The following ASRGL1 variants were observed in gnomAD, a reference collection of about 807,000 sequenced individuals.
ASRGL1 encodes asparaginase and isoaspartyl peptidase 1.
ASRGL1 carries 16 observed loss-of-function variants against 22.4 expected under a neutral mutation model. That is an observed-to-expected ratio of 0.71 (90% CI 0.48 to 1.08). ASRGL1 has a LOEUF of 1.08. Ranked by LOEUF, ASRGL1 falls within the 50% of genes least tolerant of loss-of-function variation. The pLI is 0.00. For synonymous variants in ASRGL1, 165 were observed against 159.3 expected (o/e 1.04, Z -0.27); for missense variants, 412 against 410.1 (o/e 1.00, Z -0.04).
At chr11:62,387,980 A>G (rs1166170426) in intron 4 of ASRGL1, among the ~76,000 whole-genome samples, 1 of 152,156 alleles carries the variant, frequency 6.6e-6, no homozygotes, top group African/African-American at 2.4e-5. Flanking sequence ...TAGTTGGGCA[A>G]TTTCATGGCC....
At chr11:62,356,920 T>G in intron 3 of ASRGL1, 67 bp from the exon 4 acceptor site, 2 of 1,513,710 alleles carry the variant, frequency 1.3e-6, no homozygotes, top group Non-Finnish European at 1.8e-6. Flanking sequence ...TTCAACACAG[T>G]TGGAACAGTT....
At chr11:62,368,837 G>C (rs956596671) in intron 4 of ASRGL1, among the ~76,000 whole-genome samples, 1 of 152,180 alleles carries the variant, frequency 6.6e-6, no homozygotes, top group Non-Finnish European at 1.5e-5. Context: ...GTGCATTAAA[G>C]AGCAGTATTG....
At chr11:62,371,398 C>T (rs1478574015) in intron 4 of ASRGL1, 4 of 590,754 alleles carry the variant, frequency 6.8e-6, no homozygotes, top group Non-Finnish European at 1.2e-5. Flanking sequence ...GGTCGCCGAA[C>T]CCGAGCACAC....
At chr11:62,387,185 G>A (rs761716371) in intron 4 of ASRGL1, among the ~76,000 whole-genome samples, 3 of 151,816 alleles carry the variant, frequency 2.0e-5, no homozygotes, top group Non-Finnish European at 4.4e-5. Context: ...TTACAGGTGT[G>A]AGCCACAGCG....
intron 6 of ASRGL1, 183 bp downstream of exon 6, chr11:62,391,815 G>A (rs2134706937): frequency 1.3e-6 from 1 of 792,880 alleles, no homozygotes; most frequent in South Asian, 1.8e-5. Flanking sequence ...GTAGAGCATT[G>A]AGTACTGTTA....
intron 2 of ASRGL1, among the ~76,000 whole-genome samples, chr11:62,353,336 T>TATGATA (rs1363962410): frequency 6.8e-6 from 1 of 146,634 alleles, no homozygotes; most frequent in Non-Finnish European, 1.5e-5. Context: ...GAAGCATTTT[T>TATGATA]ATGATGCTTT....
intron 4 of ASRGL1, chr11:62,372,552 C>A: frequency 1.1e-6 from 1 of 920,406 alleles, no homozygotes; most frequent in Non-Finnish European, 1.8e-6. Context: ...GAGTGGCCAT[C>A]TTCATTGAGA....
At chr11:62,375,788 G>T (rs1336255977) in intron 4 of ASRGL1, among the ~76,000 whole-genome samples, 1 of 151,792 alleles carries the variant, frequency 6.6e-6, no homozygotes, top group Non-Finnish European at 1.5e-5. Context: ...TGCAGGCATG[G>T]GGAGACTTAC....
In ASRGL1 at chr11:62,359,377, C is replaced by T. The variant is rs539547308; in HGVS notation, c.491+2233C>T. 1.8e-4 allele frequency among the ~76,000 whole-genome samples: 27 copies of T among 151,902 alleles called. No individual in the cohort carries two copies. The South Asian group carries it at 4.4e-3, about 25-fold the overall frequency. ...AGGAGAATCGCTTGAACCCAGGAGG[C>T]AGAGGTTGCAGTGAGCCAAGATCGC... is the stretch of plus-strand genomic sequence containing the variant. On this transcript the variant is annotated intron_variant, in intron 4 of 6. Transcript: ENST00000415229.
intron 2 of ASRGL1, among the ~76,000 whole-genome samples, chr11:62,344,679 A>G (rs369890224): frequency 2.6e-5 from 4 of 152,212 alleles, no homozygotes; most frequent in South Asian, 4.1e-4. Flanking sequence ...TGCAATGCAT[A>G]ATAATCAGGG....
chr11:62,389,053 G>C, intron 4 of ASRGL1, 80 bp from the exon 5 acceptor site: 1 of 1,210,724 alleles, frequency 8.3e-7, no homozygotes, highest in South Asian at 1.4e-5. Context: ...GAAACTTTAA[G>C]TGGTTTTAAG....
chr11:62,396,753 G>A (rs892830020), downstream of ASRGL1, among the ~76,000 whole-genome samples: 1 of 133,654 alleles, frequency 7.5e-6, no homozygotes, highest in African/African-American at 2.8e-5. Context: ...CTGCTGATAG[G>A]GGAAACCAGC....
intron 4 of ASRGL1, among the ~76,000 whole-genome samples, chr11:62,388,536 G>A (rs192976700): frequency 6.6e-6 from 1 of 152,136 alleles, no homozygotes; most frequent in African/African-American, 2.4e-5. Flanking sequence ...CAGGTGTGGT[G>A]GTGCATGCCT....
intron 4 of ASRGL1, among the ~76,000 whole-genome samples, chr11:62,377,115 G>GT (rs1256964954): frequency 9.9e-5 from 15 of 152,262 alleles, no homozygotes; most frequent in African/African-American, 3.6e-4. Flanking sequence ...CGTCAAATTT[G>GT]TTTTTTAATC....
chr11:62,354,346 A>G (rs938104285), intron 2 of ASRGL1, among the ~76,000 whole-genome samples: 2 of 152,232 alleles, frequency 1.3e-5, no homozygotes, highest in African/African-American at 2.4e-5. Context: ...TCAAACCCCC[A>G]GTGAGTGCCT....
chr11:62,355,760 A>T (rs907523332), intron 2 of ASRGL1, among the ~76,000 whole-genome samples: 2 of 151,544 alleles, frequency 1.3e-5, no homozygotes, highest in Non-Finnish European at 2.9e-5. Flanking sequence ...TAGGCAGAGG[A>T]CCCTGCGGCC....
At chr11:62,399,821 C>T in the ASRGL1 span, among the ~76,000 whole-genome samples, 1 of 152,174 alleles carries the variant, frequency 6.6e-6, no homozygotes, top group Admixed American at 6.5e-5. Flanking sequence ...TTGGTGCCAC[C>T]CTGGCCCTGC....
At chr11:62,362,562 T>TAAAATATATAATATATATTATATAAAA (rs1312578222) in intron 4 of ASRGL1, among the ~76,000 whole-genome samples, 3 of 24,572 alleles carry the variant, frequency 1.2e-4, no homozygotes, top group Non-Finnish European at 1.8e-4. Context: ...CATATATTAT[T>TAAAATATATAATATATATTATATAAAA]TATATAATAT....
intron 2 of ASRGL1, among the ~76,000 whole-genome samples, chr11:62,341,507 G>C (rs1334658504): frequency 6.6e-6 from 1 of 151,980 alleles, no homozygotes; most frequent in Non-Finnish European, 1.5e-5. Flanking sequence ...CTGAAAACAG[G>C]ATTTTTTTCA....
Sources: allele counts gnomAD v4.1 joint callset (sites outside exome capture counted in the v4.1 genomes callset), GRCh38; gene constraint gnomAD v4.1.1; transcripts MANE v1.5; gene names NCBI Gene and HGNC (gene_info 2026-07-23, HGNC 2026-07-21).